Variants in DYNAP observed in about 807,000 individuals in gnomAD.
DYNAP encodes the protein dynactin associated protein.
DYNAP carries 7 observed loss-of-function variants against 8.5 expected under a neutral mutation model. That is an observed-to-expected ratio of 0.82 (90% CI 0.47 to 1.54). The LOEUF is 1.54. DYNAP is among the 40% of genes most tolerant of loss of function. DYNAP has a pLI of 0.01. For missense variants in DYNAP, 256 were observed against 224.3 expected (o/e 1.14, Z -0.90); for synonymous variants, 77 against 77.9 (o/e 0.99, Z 0.06).
chr18:54,576,481 C>T, the DYNAP span, among the ~76,000 whole-genome samples: 1 of 152,142 alleles, frequency 6.6e-6, no homozygotes, highest in African/African-American at 2.4e-5. Context: ...GCAATGAGTG[C>T]TAATGACATA....
upstream of DYNAP, among the ~76,000 whole-genome samples, chr18:54,590,148 A>G (rs1911013644): frequency 6.6e-6 from 1 of 152,164 alleles, no homozygotes; most frequent in East Asian, 1.9e-4. Context: ...TTGTGTATTC[A>G]TTAAACAATA....
upstream of DYNAP, chr18:54,591,074 G>A (rs575526371): frequency 5.5e-5 from 49 of 887,942 alleles, no homozygotes; most frequent in Middle Eastern, 3.7e-4. Context: ...GTTTTCTTGC[G>A]TCTTTCTGCA....
intron 1 of DYNAP, among the ~76,000 whole-genome samples, chr18:54,593,545 A>T (rs537442385): frequency 1.3e-5 from 2 of 152,278 alleles, no homozygotes; most frequent in African/African-American, 4.8e-5. Flanking sequence ...GTGGCCAAAG[A>T]TAACCTTGAT....
intron 2 of DYNAP, among the ~76,000 whole-genome samples, chr18:54,595,766 T>G (rs985004502): frequency 6.6e-6 from 1 of 152,136 alleles, no homozygotes; most frequent in Non-Finnish European, 1.5e-5. Flanking sequence ...TAACATTGAC[T>G]ATAAATTACC....
At chr18:54,576,524 C>T in the DYNAP span, among the ~76,000 whole-genome samples, 1 of 152,052 alleles carries the variant, frequency 6.6e-6, no homozygotes, top group Non-Finnish European at 1.5e-5. Context: ...ACTAACCCAG[C>T]ACAGTGGCTC....
At chr18:54,597,742 T>G in intron 2 of DYNAP, 71 bp from the exon 3 acceptor site, 1 of 1,455,402 alleles carries the variant, frequency 6.9e-7, no homozygotes, top group Non-Finnish European at 9.3e-7. Context: ...AAGTTATAAG[T>G]AATATAAAAG....
chr18:54,585,105 C>T (rs1195476584), upstream of DYNAP, among the ~76,000 whole-genome samples: 1 of 152,106 alleles, frequency 6.6e-6, no homozygotes, highest in Non-Finnish European at 1.5e-5. Context: ...ATGTGGTCCT[C>T]CTCAGGTGTG....
upstream of DYNAP, among the ~76,000 whole-genome samples, chr18:54,583,273 C>T (rs930144190): frequency 2.0e-4 from 30 of 152,178 alleles, no homozygotes; most frequent in African/African-American, 7.0e-4. Flanking sequence ...AGCTCCCAAA[C>T]CAGAGACTGA....
upstream of DYNAP, among the ~76,000 whole-genome samples, chr18:54,585,466 G>C (rs1357708519): frequency 1.3e-5 from 2 of 151,894 alleles, no homozygotes; most frequent in African/African-American, 2.4e-5. Flanking sequence ...CCAGTGCCTT[G>C]CCTCTTTCTA....
At chr18:54,578,745 G>A in the DYNAP span, among the ~76,000 whole-genome samples, 1 of 151,952 alleles carries the variant, frequency 6.6e-6, no homozygotes, top group South Asian at 2.1e-4. Flanking sequence ...AAAAAAGAAT[G>A]CATAATTTTA....
Position 54,598,751 on chromosome 18 carries a change from T to C in DYNAP, c.*606T>C, listed in dbSNP as rs1320809541. Reference sequence around the variant, plus strand: ...TCTTGTGGAGAAACTCCACATTCTGTAGAGAATATCCTTTCCCCTTTGTTT... The same window carrying C: ...TCTTGTGGAGAAACTCCACATTCTGCAGAGAATATCCTTTCCCCTTTGTTT... On this transcript the variant is annotated 3_prime_UTR_variant, in exon 3 of 3. Coordinates refer to ENST00000648945, the MANE Select transcript of DYNAP (RefSeq NM_173629.3). 6.6e-6 allele frequency: 1 copy of C among 152,312 alleles called. No individual in the cohort carries two copies. Among genetic ancestry groups the C allele is most frequent in the Non-Finnish European group, 1.5e-5 (1 of 68,128 alleles). The allele number at this position is 152,312 out of a possible 1,614,324, so 9.4% of individuals were successfully genotyped here. A position where few individuals can be genotyped will look rare whatever the true frequency, so the allele number is the denominator to read the frequency against.
At chr18:54,581,029 A>G in the DYNAP span, among the ~76,000 whole-genome samples, 2 of 152,200 alleles carry the variant, frequency 1.3e-5, no homozygotes, top group African/African-American at 4.8e-5. Flanking sequence ...GTTTTTATAA[A>G]ATTAAATGGT....
At chr18:54,580,459 T>C in the DYNAP span, among the ~76,000 whole-genome samples, 1 of 152,232 alleles carries the variant, frequency 6.6e-6, no homozygotes, top group Admixed American at 6.5e-5. Context: ...CTTCAATTTT[T>C]ACAGCTACCA....
chr18:54,599,125 C>G lies in DYNAP; in HGVS notation c.*980C>G, dbSNP rs1911432531. On this transcript the variant is annotated 3_prime_UTR_variant, in exon 3 of 3. Coordinates refer to ENST00000648945, the MANE Select transcript of DYNAP (RefSeq NM_173629.3). ...CATGTCTCCCTAAAAATATATAAAACCAAACTGTACCTTAGCCACTTTGGA... is the reference window on the plus strand; with the variant it reads ...CATGTCTCCCTAAAAATATATAAAAGCAAACTGTACCTTAGCCACTTTGGA... The G allele has an allele frequency of 6.6e-6, 1 of 152,126 alleles. No individual in the cohort carries two copies. Among genetic ancestry groups the G allele is most frequent in the Non-Finnish European group, 1.5e-5 (1 of 68,012 alleles). 9.4% of individuals were successfully genotyped at this position (152,126 alleles called of 1,614,324 possible).
chr18:54,586,693 G>A (rs1248997204), upstream of DYNAP, among the ~76,000 whole-genome samples: 1 of 152,156 alleles, frequency 6.6e-6, no homozygotes, highest in Non-Finnish European at 1.5e-5. Flanking sequence ...GAAACGAATG[G>A]TTATCTTGAG....
upstream of DYNAP, among the ~76,000 whole-genome samples, chr18:54,585,326 G>T (rs956074783): frequency 6.6e-6 from 1 of 150,970 alleles, no homozygotes; most frequent in Non-Finnish European, 1.5e-5. Flanking sequence ...CTATTGTATT[G>T]TTCATTTTTC....
upstream of DYNAP, among the ~76,000 whole-genome samples, chr18:54,584,941 C>T (rs560170198): frequency 1.1e-4 from 17 of 152,212 alleles, no homozygotes; most frequent in South Asian, 8.3e-4. Context: ...ACATGTGGGC[C>T]GTGAGAAGAC....
intron 2 of DYNAP, among the ~76,000 whole-genome samples, chr18:54,596,211 C>T (rs1326126964): frequency 6.6e-6 from 1 of 151,826 alleles, no homozygotes; most frequent in East Asian, 1.9e-4. Context: ...TAGCTAGGAC[C>T]ACATGCATAT....
the DYNAP span, among the ~76,000 whole-genome samples, chr18:54,581,465 C>G: frequency 6.6e-6 from 1 of 152,146 alleles, no homozygotes. Context: ...AGCAGGAGTG[C>G]GGCAGGAATG....
Sources: gnomAD v4.1 joint callset for allele counts (sites outside exome capture counted in the v4.1 genomes callset) on GRCh38, gnomAD v4.1.1 for gene constraint, MANE v1.5 for transcripts, NCBI Gene and HGNC (gene_info 2026-07-23, HGNC 2026-07-21) for gene names.